LRP2: variants seen among roughly 807,000 people sequenced by gnomAD.
The protein encoded by LRP2 is low-density lipoprotein receptor-related protein 2.
In LRP2, 172 loss-of-function variants were observed where a neutral mutation model predicts 531.0. The observed-to-expected ratio is 0.32, with a 90% confidence interval of 0.29 to 0.37. The LOEUF (loss-of-function observed/expected upper bound fraction) is 0.37, where lower values mean the gene tolerates loss of function less well. Among genes scored for constraint, LRP2 ranks in the 10% least tolerant of loss-of-function variants. The probability of loss-of-function intolerance (pLI) is 1.00; values close to 1 mark genes in which losing one functional copy is unlikely to be tolerated. For missense variants in LRP2, 5,167 were observed against 5,868.3 expected (o/e 0.88, Z 3.90); for synonymous variants, 1,992 against 2,027.6 (o/e 0.98, Z 0.47).
chr2:169,238,467 C>T (rs1374538711), intron 26 of LRP2, among the ~76,000 whole-genome samples, 165 bp from the exon 27 acceptor site: 1 of 150,448 alleles, frequency 6.6e-6, no homozygotes, highest in African/African-American at 2.5e-5. Context: ...TGATTTTAAT[C>T]ACTTCATTCT....
At position 169,244,840 on chromosome 2, in the gene LRP2, C is replaced by T. The variant is rs773904194; in HGVS notation, c.3283G>A (p.Gly1095Ser). 12 of 1,614,254 alleles carry T rather than the reference C, an allele frequency of 7.4e-6. No individual in the cohort carries two copies. The South Asian group carries it at 1.3e-4, about 18-fold the overall frequency. The change falls in exon 22 of 79, where the codon GGC becomes AGC. Residue 1095 changes from glycine (G) to serine (S), a missense_variant. Transcript: ENST00000649046. ...RCDKRNDCVD[G>S]SDEHNCPTHA... ...GTGGGGCAGTTGTGCTCATCACTGC[C>T]ATCCACACAGTCGTTGCGTTTGTCA...
chr2:169,257,860 A>T (rs978438749), intron 17 of LRP2, among the ~76,000 whole-genome samples: 1 of 123,580 alleles, frequency 8.1e-6, no homozygotes, highest in African/African-American at 3.4e-5. Context: ...AAAAGAAAAT[A>T]AAAAAACAAC....
Position 169,243,491 on chromosome 2 carries a change from A to G in LRP2, c.3462T>C (p.Phe1154=), listed in dbSNP as rs56204990. The change falls in exon 23 of 79, where the codon TTT becomes TTC. Residue 1154 remains phenylalanine, a synonymous_variant. Transcript: ENST00000649046. ...NSTETCQPSQ[F]NCPNHRCIDL... The stretch of plus-strand genomic sequence containing the variant: ...CAATACATCGATGATTGGGGCAATT[A>G]AACTGACTAGGTTGGCATGTCTCTG... The G allele has an allele frequency of 6.2e-7, 1 of 1,614,178 alleles. No homozygotes were observed. Among genetic ancestry groups the G allele is most frequent in the Admixed American group, 1.7e-5 (1 of 60,020 alleles).
intron 38 of LRP2, among the ~76,000 whole-genome samples, chr2:169,207,677 C>T (rs1020479925): frequency 2.0e-5 from 3 of 152,164 alleles, no homozygotes; most frequent in Admixed American, 6.6e-5. Flanking sequence ...AGCAGCATCT[C>T]AGGTTGTTAT....
In LRP2 at chr2:169,216,266, G is replaced by A. The variant is rs768756085; in HGVS notation, c.5813C>T (p.Thr1938Ile). Residue 1938 changes from threonine (T) to isoleucine (I), a missense_variant, in exon 35 of 79, where the codon ACT becomes ATT. Physicochemically the swap from Thr to Ile is moderately conservative, Grantham distance 89 (BLOSUM62 -1). Coordinates refer to ENST00000649046, the MANE Select transcript of LRP2 (RefSeq NM_004525.3). Reference sequence around the variant, plus strand: ...GGGTGCTCATACCACTCCTCTTCCAGTGACTGCCCAGTAGAGTTTCTGCTC... The same window carrying A: ...GGGTGCTCATACCACTCCTCTTCCAATGACTGCCCAGTAGAGTTTCTGCTC... Reference protein sequence around the residue: ...IEEQKLYWAVTGRGVIERGNV... With the variant: ...IEEQKLYWAVIGRGVIERGNV... The A allele has an allele frequency of 1.3e-5, 21 of 1,613,358 alleles. No individual in the cohort carries two copies. The Admixed American group carries it at 3.5e-4, about 27-fold the overall frequency.
chr2:169,358,947 T>C (rs1686071597), intron 1 of LRP2, among the ~76,000 whole-genome samples: 1 of 150,836 alleles, frequency 6.6e-6, no homozygotes, highest in African/African-American at 2.4e-5. Context: ...TGCTAGGGTC[T>C]GAGAAGTCTT....
At chr2:169,211,828 GGCTGTGCCA>G (rs1265631099) in intron 37 of LRP2, 131 bp downstream of exon 37, 3 of 1,186,804 alleles carry the variant, frequency 2.5e-6, no homozygotes, top group African/African-American at 3.0e-5. Flanking sequence ...AAACACTTTA[GGCTGTGCCA>G]GTTGATTTAA....
At chr2:169,270,858 G>T (rs957468322) in intron 16 of LRP2, 46 bp downstream of exon 16, 1 of 1,458,140 alleles carries the variant, frequency 6.9e-7, no homozygotes, top group Non-Finnish European at 9.5e-7. Context: ...CAATAAACAG[G>T]CAAAACACGC....
At chr2:169,224,405 C>T (rs556439365) in intron 33 of LRP2, among the ~76,000 whole-genome samples, 1 of 152,318 alleles carries the variant, frequency 6.6e-6, no homozygotes, top group East Asian at 1.9e-4. Context: ...CATGTGATTT[C>T]ATACCTGTGC....
intron 63 of LRP2, among the ~76,000 whole-genome samples, chr2:169,158,857 CAA>C (rs35308196): frequency 1.3e-4 from 6 of 47,668 alleles, no homozygotes; most frequent in East Asian, 4.9e-4. Flanking sequence ...AAAAAAAAAA[CAA>C]AAAAAACACA....
intron 1 of LRP2, among the ~76,000 whole-genome samples, chr2:169,343,380 G>C (rs1685616237): frequency 1.3e-5 from 2 of 152,164 alleles, no homozygotes; most frequent in Admixed American, 6.5e-5. Flanking sequence ...TATGGATAGA[G>C]AATTTGACAA....
At chr2:169,306,837 G>C (rs1684434037) in intron 4 of LRP2, among the ~76,000 whole-genome samples, 1 of 152,042 alleles carries the variant, frequency 6.6e-6, no homozygotes, top group South Asian at 2.1e-4. Context: ...TGCTGTTATA[G>C]GAAAAGACAT....
At chr2:169,304,906 C>G (rs1190895589) in intron 4 of LRP2, among the ~76,000 whole-genome samples, 5 of 152,072 alleles carry the variant, frequency 3.3e-5, no homozygotes, top group Non-Finnish European at 7.4e-5. Flanking sequence ...AAGTTCATGT[C>G]TTTTACAAGG....
chr2:169,166,152 T>A, intron 61 of LRP2, 98 bp from the exon 62 acceptor site: 1 of 1,224,044 alleles, frequency 8.2e-7, no homozygotes, highest in Non-Finnish European at 1.2e-6. Flanking sequence ...CTTGCTTCAT[T>A]CATGCACTCA....
At chr2:169,337,663 T>C (rs988301948) in intron 1 of LRP2, among the ~76,000 whole-genome samples, 76 of 152,350 alleles carry the variant, frequency 5.0e-4, no homozygotes, top group African/African-American at 1.8e-3. Flanking sequence ...TGAAAGCCCT[T>C]ATTCTACTAT....
At chr2:169,296,986 C>T (rs1015359309) in intron 4 of LRP2, among the ~76,000 whole-genome samples, 1 of 152,126 alleles carries the variant, frequency 6.6e-6, no homozygotes, top group Non-Finnish European at 1.5e-5. Flanking sequence ...GCAGAGGACC[C>T]CTCTCAACCC....
chr2:169,225,885 C>T (rs569783641), intron 32 of LRP2, among the ~76,000 whole-genome samples: 6 of 152,286 alleles, frequency 3.9e-5, no homozygotes, highest in African/African-American at 1.2e-4. Context: ...AAAATGACCT[C>T]TGAGGAAGAG....
chr2:169,238,281 A>G lies in LRP2; in HGVS notation c.4316T>C (p.Leu1439Pro). ...AATAATTTTGTTCTGACTTGCCACA[A>G]GTAACAGCAGACTCTCAGATGCTGT... The part of the protein sequence containing the change: ...KVTASESLLL[L>P]VASQNKIIAD... Residue 1439 changes from leucine to proline, a missense_variant, in exon 27 of 79, where the codon CTT becomes CCT. Coordinates refer to ENST00000649046, the MANE Select transcript of LRP2 (RefSeq NM_004525.3). 6.2e-7 allele frequency: 1 copy of G among 1,614,078 alleles called. No individual in the cohort carries two copies. The highest frequency in any genetic ancestry group is 1.1e-5 in the South Asian group (1 of 91,080).
chr2:169,192,287 C>T (rs1192094880), intron 47 of LRP2, among the ~76,000 whole-genome samples: 1 of 152,124 alleles, frequency 6.6e-6, no homozygotes, highest in Non-Finnish European at 1.5e-5. Context: ...CCATAAAATA[C>T]ATTAGAATGG....
Sources: gnomAD v4.1 joint callset for allele counts (sites outside exome capture counted in the v4.1 genomes callset) on GRCh38, gnomAD v4.1.1 for gene constraint, MANE v1.5 for transcripts, NCBI Gene and HGNC (gene_info 2026-07-23, HGNC 2026-07-21) for gene names.